The following ENTREP2 variants were observed in gnomAD, a reference collection of about 807,000 sequenced individuals.
The protein encoded by ENTREP2 is protein ENTREP2.
At chr15:29,229,155 T>C in the ENTREP2 span, among the ~76,000 whole-genome samples, 1 of 152,104 alleles carries the variant, frequency 6.6e-6, no homozygotes, top group African/African-American at 2.4e-5. Context: ...AGCTTTAGTG[T>C]TTCGTTAAAA....
At chr15:29,219,426 A>C in the ENTREP2 span, among the ~76,000 whole-genome samples, 6 of 151,828 alleles carry the variant, frequency 4.0e-5, no homozygotes, top group South Asian at 4.2e-4. Context: ...TCCTTAAAGA[A>C]GTAAAATAGA....
the ENTREP2 span, among the ~76,000 whole-genome samples, chr15:29,174,707 C>CAAAAA: frequency 9.4e-5 from 13 of 138,354 alleles, no homozygotes; most frequent in African/African-American, 3.1e-4. Flanking sequence ...CAAAACAAAA[C>CAAAAA]AACAAAAAAA....
At chr15:29,306,568 T>C in the ENTREP2 span, among the ~76,000 whole-genome samples, 2 of 152,162 alleles carry the variant, frequency 1.3e-5, no homozygotes, top group Admixed American at 6.5e-5. Flanking sequence ...CTTGTATTTC[T>C]GATAATGCTA....
the ENTREP2 span, among the ~76,000 whole-genome samples, chr15:29,660,452 C>T: frequency 3.3e-5 from 5 of 152,058 alleles, no homozygotes; most frequent in East Asian, 7.7e-4. Flanking sequence ...ACTTCGCAGC[C>T]TCCAGAACTG....
the ENTREP2 span, among the ~76,000 whole-genome samples, chr15:29,579,470 A>T: frequency 6.7e-6 from 1 of 150,288 alleles, no homozygotes; most frequent in African/African-American, 2.4e-5. Context: ...TCTCTCCAAC[A>T]TGTTTCTCTA....
the ENTREP2 span, among the ~76,000 whole-genome samples, chr15:29,347,250 C>T: frequency 2.0e-5 from 3 of 152,202 alleles, no homozygotes; most frequent in Non-Finnish European, 4.4e-5. Flanking sequence ...TTATAGCTCA[C>T]TGTCTTGACT....
the ENTREP2 span, among the ~76,000 whole-genome samples, chr15:29,525,237 A>G: frequency 6.6e-6 from 1 of 152,232 alleles, no homozygotes; most frequent in East Asian, 1.9e-4. Flanking sequence ...ATGACCCAGT[A>G]ATTCTATTCC....
the ENTREP2 span, among the ~76,000 whole-genome samples, chr15:29,261,328 T>C: frequency 1.3e-5 from 2 of 152,296 alleles, no homozygotes; most frequent in East Asian, 1.9e-4. Flanking sequence ...CCGTGAGCTA[T>C]GATTGTGCCA....
the ENTREP2 span, among the ~76,000 whole-genome samples, chr15:29,531,973 C>T: frequency 3.3e-5 from 5 of 152,186 alleles, no homozygotes; most frequent in South Asian, 8.3e-4. Context: ...GCTTGAAAGG[C>T]TAAACTGAGC....
At chr15:29,124,321 C>T in the ENTREP2 span, among the ~76,000 whole-genome samples, 1 of 152,252 alleles carries the variant, frequency 6.6e-6, no homozygotes, top group Non-Finnish European at 1.5e-5. Flanking sequence ...GCCTGAGCTT[C>T]ACGCCACACA....
At chr15:29,269,732 A>G in the ENTREP2 span, 15 of 1,471,990 alleles carry the variant, frequency 1.0e-5, no homozygotes, top group Non-Finnish European at 1.3e-5. Context: ...GCCGGCGCAC[A>G]CTCCGGTAGG....
the ENTREP2 span, among the ~76,000 whole-genome samples, chr15:29,617,749 G>A: frequency 1.3e-5 from 2 of 152,204 alleles, no homozygotes; most frequent in African/African-American, 4.8e-5. Flanking sequence ...GCGCTCTTAT[G>A]TGGCATCTCT....
the ENTREP2 span, among the ~76,000 whole-genome samples, chr15:29,179,582 CTT>C: frequency 1.4e-4 from 19 of 134,598 alleles, no homozygotes; most frequent in Admixed American, 2.2e-4. Context: ...CCGGAGTCGT[CTT>C]TTTTTTTTTT....
the ENTREP2 span, among the ~76,000 whole-genome samples, chr15:29,636,100 C>T: frequency 6.6e-6 from 1 of 152,214 alleles, no homozygotes; most frequent in Non-Finnish European, 1.5e-5. Context: ...CTGCCTGGTG[C>T]TAAAGCAGGC....
At chr15:29,428,754 T>A in the ENTREP2 span, among the ~76,000 whole-genome samples, 1 of 151,864 alleles carries the variant, frequency 6.6e-6, no homozygotes, top group Admixed American at 6.6e-5. Flanking sequence ...CACACAAAAG[T>A]GAGAGTAATG....
the ENTREP2 span, chr15:29,610,613 A>G: frequency 6.6e-6 from 1 of 150,710 alleles, no homozygotes; most frequent in African/African-American, 2.4e-5. Flanking sequence ...GCCGTCAACA[A>G]TGCTGTTATT....
At chr15:29,126,528 C>G in the ENTREP2 span, 1 of 1,529,078 alleles carries the variant, frequency 6.5e-7, no homozygotes, top group East Asian at 2.5e-5. Context: ...AGTGGGCGGC[C>G]GCAGGGGACG....
chr15:29,591,778 C>T, the ENTREP2 span, among the ~76,000 whole-genome samples: 4 of 150,142 alleles, frequency 2.7e-5, no homozygotes, highest in South Asian at 2.1e-4. Context: ...ATTCAAGCAT[C>T]GATCACACCA....
the ENTREP2 span, among the ~76,000 whole-genome samples, chr15:29,180,459 G>T: frequency 1.3e-5 from 2 of 152,162 alleles, no homozygotes; most frequent in Admixed American, 6.5e-5. Context: ...GAGGTCAGGA[G>T]TTCAAGACCA....
Sources: allele counts gnomAD v4.1 joint callset (sites outside exome capture counted in the v4.1 genomes callset), GRCh38; gene constraint gnomAD v4.1.1; transcripts MANE v1.5; gene names NCBI Gene and HGNC (gene_info 2026-07-23, HGNC 2026-07-21).